Variants in KLHL29 observed in about 807,000 individuals in gnomAD.
The protein encoded by KLHL29 is kelch-like protein 29.
In KLHL29, 21 loss-of-function variants were observed where a neutral mutation model predicts 80.4. The observed-to-expected ratio is 0.26, with a 90% CI of 0.19 to 0.38. KLHL29 has a LOEUF of 0.38. KLHL29 is among the 10% of genes least tolerant of loss of function. The pLI, the probability that KLHL29 is intolerant of heterozygous loss-of-function variation, is 1.00. For missense variants in KLHL29, 867 were observed against 1,223.9 expected (o/e 0.71, Z 4.35); for synonymous variants, 511 against 526.8 (o/e 0.97, Z 0.41).
At chr2:23,391,294 T>TC (rs144463958) in intron 1 of KLHL29, among the ~76,000 whole-genome samples, 16,376 of 152,272 alleles carry the variant, frequency 0.11, 1,372 homozygotes, top group African/African-American at 0.23. Flanking sequence ...GTTTGTCCAT[T>TC]CATCTGTTGA....
intron 2 of KLHL29, among the ~76,000 whole-genome samples, chr2:23,478,259 A>C (rs182853709): frequency 6.1e-4 from 93 of 152,246 alleles, no homozygotes; most frequent in African/African-American, 2.2e-3. Context: ...TGTGCCTGGG[A>C]GTGTCCGCAA....
chr2:23,492,669 TA>T (rs1235921799), intron 2 of KLHL29, among the ~76,000 whole-genome samples: 1 of 152,274 alleles, frequency 6.6e-6, no homozygotes, highest in African/African-American at 2.4e-5. Flanking sequence ...TATATGAATA[TA>T]AGAAAAGCAT....
At chr2:23,404,307 A>G (rs960124900) in intron 1 of KLHL29, among the ~76,000 whole-genome samples, 1 of 152,220 alleles carries the variant, frequency 6.6e-6, no homozygotes, top group African/African-American at 2.4e-5. Flanking sequence ...AAATCGTACA[A>G]AAATTTAGAA....
intron 11 of KLHL29, among the ~76,000 whole-genome samples, chr2:23,698,144 G>A (rs965757736): frequency 2.6e-5 from 4 of 152,210 alleles, no homozygotes; most frequent in African/African-American, 9.7e-5. Context: ...TCCCTGGGGG[G>A]CAAGGCCCTC....
At chr2:23,553,309 G>A (rs551294526) in intron 2 of KLHL29, among the ~76,000 whole-genome samples, 9 of 152,344 alleles carry the variant, frequency 5.9e-5, no homozygotes, top group Admixed American at 3.3e-4. Flanking sequence ...ATGTGGCAAC[G>A]AGAACCTTTC....
chr2:23,452,269 A>C (rs1274968574), intron 1 of KLHL29, among the ~76,000 whole-genome samples: 1 of 151,362 alleles, frequency 6.6e-6, no homozygotes, highest in Non-Finnish European at 1.5e-5. Flanking sequence ...TCATCCTCCA[A>C]CCGCAGTCTC....
intron 5 of KLHL29, chr2:23,643,322 C>A: frequency 6.7e-6 from 2 of 298,270 alleles, no homozygotes; most frequent in South Asian, 6.7e-5. Context: ...GTCGTGCCAT[C>A]GGATGAGAGC....
At chr2:23,590,141 A>G (rs1668219522) in intron 3 of KLHL29, among the ~76,000 whole-genome samples, 1 of 152,242 alleles carries the variant, frequency 6.6e-6, no homozygotes, top group Admixed American at 6.5e-5. Context: ...CATCTATGGA[A>G]GAGCCAACTG....
intron 13 of KLHL29, among the ~76,000 whole-genome samples, chr2:23,704,238 G>A (rs879494702): frequency 6.6e-6 from 1 of 152,240 alleles, no homozygotes; most frequent in Non-Finnish European, 1.5e-5. Context: ...AGGGACAAGT[G>A]ACTTCTTGGG....
intron 7 of KLHL29, 30 bp downstream of exon 7, chr2:23,691,906 G>A (rs78748802): frequency 0.062 from 95,280 of 1,541,800 alleles, 3,227 homozygotes; most frequent in Middle Eastern, 0.11. Context: ...ATGTCGCTTG[G>A]GGGGAAGAGT....
At chr2:23,437,950 T>C (rs538692422) in intron 1 of KLHL29, among the ~76,000 whole-genome samples, 1 of 138,982 alleles carries the variant, frequency 7.2e-6, no homozygotes, top group East Asian at 2.2e-4. Flanking sequence ...GAGCATGGAA[T>C]GTTCTTCCAT....
chr2:23,454,000 T>C (rs1259606988), intron 1 of KLHL29, among the ~76,000 whole-genome samples: 1 of 152,192 alleles, frequency 6.6e-6, no homozygotes, highest in Non-Finnish European at 1.5e-5. Flanking sequence ...GGACCCAAGG[T>C]CCGCTTGCTG....
intron 1 of KLHL29, among the ~76,000 whole-genome samples, chr2:23,461,704 C>T (rs1249125040): frequency 6.6e-6 from 1 of 150,644 alleles, no homozygotes; most frequent in Non-Finnish European, 1.5e-5. Context: ...CCAGTGTACC[C>T]CTTCTTTATC....
In KLHL29 at chr2:23,642,429, C is replaced by T; in HGVS notation, c.519C>T (p.Ser173=). Residue 173 remains serine, a synonymous_variant, in exon 5 of 14, where the codon AGC becomes AGT. Coordinates refer to ENST00000486442, the MANE Select transcript of KLHL29 (RefSeq NM_052920.2). ...GAGTGGCCCAGCCTCCCACCTTCAG[C>T]CCGGCTGTGAACGTCCAGGCCCCGG... ...SYGVAQPPTF[S]PAVNVQAPVI... 1 of 1,494,868 alleles carries T rather than the reference C, an allele frequency of 6.7e-7. No homozygotes were observed. Among genetic ancestry groups the T allele is most frequent in the Non-Finnish European group, 9.0e-7 (1 of 1,116,550 alleles). The allele number at this position is 1,494,868 out of a possible 1,614,324, so 92.6% of individuals were successfully genotyped here.
intron 3 of KLHL29, among the ~76,000 whole-genome samples, chr2:23,593,051 C>T (rs185071010): frequency 9.9e-5 from 15 of 152,156 alleles, no homozygotes; most frequent in African/African-American, 3.6e-4. Flanking sequence ...CAAGCAGGAG[C>T]GGGTGGGGAT....
chr2:23,444,003 A>G (rs1246128391), intron 1 of KLHL29, among the ~76,000 whole-genome samples: 1 of 152,144 alleles, frequency 6.6e-6, no homozygotes, highest in African/African-American at 2.4e-5. Flanking sequence ...TTCTACATTT[A>G]TTAGCTGAAA....
At chr2:23,523,714 T>G (rs1439218764) in intron 2 of KLHL29, among the ~76,000 whole-genome samples, 1 of 152,148 alleles carries the variant, frequency 6.6e-6, no homozygotes, top group Non-Finnish European at 1.5e-5. Flanking sequence ...GCCACAGTCG[T>G]AGGAGCTGGG....
chr2:23,411,401 G>GTA (rs1666856699), intron 1 of KLHL29, among the ~76,000 whole-genome samples: 5 of 150,682 alleles, frequency 3.3e-5, no homozygotes, highest in Admixed American at 3.3e-4. Context: ...GTGTGTGTGT[G>GTA]TGTGTGTGTG....
At chr2:23,525,720 G>C (rs1247444628) in intron 2 of KLHL29, among the ~76,000 whole-genome samples, 7 of 49,914 alleles carry the variant, frequency 1.4e-4, no homozygotes, top group Admixed American at 3.4e-4. Flanking sequence ...GTGAGCCCCA[G>C]CCCCTGCCCC....
Sources: gnomAD v4.1 joint callset for allele counts (sites outside exome capture counted in the v4.1 genomes callset) on GRCh38, gnomAD v4.1.1 for gene constraint, MANE v1.5 for transcripts, NCBI Gene and HGNC (gene_info 2026-07-23, HGNC 2026-07-21) for gene names.